Variants in AGMO observed in about 807,000 individuals in gnomAD.
The protein encoded by AGMO is glyceryl-ether monooxygenase.
A neutral mutation model predicts 60.2 loss-of-function variants in AGMO; 75 were observed. The ratio of observed to expected loss-of-function variants is 1.25; its 90% CI spans 1.03 to 1.51. The LOEUF (loss-of-function observed/expected upper bound fraction) is 1.51, where lower values mean the gene tolerates loss of function less well. AGMO is among the 40% of genes most tolerant of loss of function. The pLI is 0.00. For synonymous variants in AGMO, 261 were observed against 177.1 expected (o/e 1.47, Z -3.76); for missense variants, 763 against 525.5 (o/e 1.45, Z -4.42).
intron 4 of AGMO, among the ~76,000 whole-genome samples, chr7:15,419,930 C>T (rs1487238911): frequency 6.6e-6 from 1 of 152,030 alleles, no homozygotes; most frequent in East Asian, 1.9e-4. Flanking sequence ...TTTCATAATA[C>T]ATTAAAACAA....
rs1784358517 is a variant in AGMO, at chr7:15,531,550, A to ATATATATTCTCTATATATATTC, written c.409+13221_409+13222insGAATATATATAGAGAATATATA. On this transcript the variant is annotated intron_variant, in intron 3 of 12. Coordinates refer to ENST00000342526, the MANE Select transcript of AGMO (RefSeq NM_001004320.2). ...TATATATATTCTCTATATATATTCT[A>ATATATATTCTCTATATATATTC]TATATATATTCTCTATATATTCCAT... Among the ~76,000 whole-genome samples the ATATATATTCTCTATATATATTC allele has an allele frequency of 5.6e-5, 4 of 71,876 alleles. 1 individual carries two copies. The South Asian group carries it at 1.4e-3, about 25-fold the overall frequency. 47.2% of individuals were successfully genotyped at this position (71,876 alleles called of 152,430 possible).
At chr7:15,553,660 A>G (rs1785043186) in intron 2 of AGMO, among the ~76,000 whole-genome samples, 1 of 152,168 alleles carries the variant, frequency 6.6e-6, no homozygotes, top group Non-Finnish European at 1.5e-5. Context: ...TTAAGATACC[A>G]AGATCTCAAT....
intron 10 of AGMO, among the ~76,000 whole-genome samples, chr7:15,383,356 C>T (rs1783770228): frequency 6.6e-6 from 1 of 151,668 alleles, no homozygotes; most frequent in South Asian, 2.1e-4. Flanking sequence ...GCAATAGTCC[C>T]AAACTTTTCA....
At chr7:15,470,202 T>C (rs908773496) in intron 3 of AGMO, among the ~76,000 whole-genome samples, 2 of 151,994 alleles carry the variant, frequency 1.3e-5, no homozygotes, top group African/African-American at 4.8e-5. Flanking sequence ...AAATAATATC[T>C]GGAAATATGC....
the AGMO span, among the ~76,000 whole-genome samples, chr7:15,159,364 A>C: frequency 6.6e-6 from 1 of 152,306 alleles, no homozygotes; most frequent in African/African-American, 2.4e-5. Flanking sequence ...AAGTGGTAAA[A>C]GACAGTGCAG....
At chr7:15,261,142 C>T (rs1050196624) in intron 12 of AGMO, among the ~76,000 whole-genome samples, 1 of 151,648 alleles carries the variant, frequency 6.6e-6, no homozygotes, top group African/African-American at 2.4e-5. Flanking sequence ...CCAAGCCCAA[C>T]AGAAGAAAAG....
chr7:15,444,779 G>C (rs1052309234), intron 3 of AGMO, among the ~76,000 whole-genome samples: 14 of 152,098 alleles, frequency 9.2e-5, no homozygotes, highest in African/African-American at 3.4e-4. Context: ...AAAGTTGATG[G>C]CTCCCAAGTA....
chr7:15,403,050 A>G (rs1035374405), intron 5 of AGMO, among the ~76,000 whole-genome samples: 2 of 151,834 alleles, frequency 1.3e-5, no homozygotes, highest in African/African-American at 4.8e-5. Context: ...TTTTCCACAT[A>G]ATTTTGTTTT....
chr7:15,353,911 T>C (rs370484945), intron 12 of AGMO, among the ~76,000 whole-genome samples: 4 of 152,160 alleles, frequency 2.6e-5, no homozygotes, highest in South Asian at 4.1e-4. Flanking sequence ...AAAACTATCA[T>C]GTATTATTCT....
chr7:15,159,915 C>T, the AGMO span, among the ~76,000 whole-genome samples: 4 of 152,232 alleles, frequency 2.6e-5, no homozygotes, highest in East Asian at 1.9e-4. Context: ...TTCTCAGATC[C>T]GATGTATTTC....
intron 3 of AGMO, among the ~76,000 whole-genome samples, chr7:15,500,092 A>C (rs576746515): frequency 6.6e-6 from 1 of 151,920 alleles, no homozygotes; most frequent in Non-Finnish European, 1.5e-5. Context: ...ATTGTCTTAC[A>C]GTTTTGGTTT....
At chr7:15,351,807 ATAT>A (rs1487803829) in intron 12 of AGMO, among the ~76,000 whole-genome samples, 5 of 152,266 alleles carry the variant, frequency 3.3e-5, no homozygotes, top group African/African-American at 4.8e-5. Context: ...GTAAGCAAAC[ATAT>A]TATGCAAATT....
the AGMO span, among the ~76,000 whole-genome samples, chr7:15,159,556 G>T: frequency 1.3e-5 from 2 of 152,082 alleles, no homozygotes; most frequent in Non-Finnish European, 2.9e-5. Context: ...GCCTTTCCTA[G>T]GGAAAACAGG....
At chr7:15,385,367 T>TA (rs1783868868) in intron 10 of AGMO, 79 bp downstream of exon 10, 3 of 969,610 alleles carry the variant, frequency 3.1e-6, no homozygotes, top group Non-Finnish European at 4.8e-6. Context: ...ATGACAGCCT[T>TA]AATATGGGGA....
rs146144087 is a variant in AGMO, at chr7:15,499,932, C to CACACATATATATATATAT, written c.409+44839_409+44840insATATATATATATATGTGT. Among the ~76,000 whole-genome samples, 7 of 138,984 alleles carry CACACATATATATATATAT rather than the reference C, an allele frequency of 5.0e-5. No individual in the cohort carries two copies. In the Admixed American group the frequency reaches 5.2e-4, roughly 10 times the overall value. The allele number at this position is 138,984 out of a possible 152,430, so 91.2% of individuals were successfully genotyped here. A position where few individuals can be genotyped will look rare whatever the true frequency, so the allele number is the denominator to read the frequency against. The stretch of plus-strand genomic sequence containing the variant: ...GCACACACACACACACACACACACA[C>CACACATATATATATATAT]ATATATATATATAATATATATATTT... On this transcript the variant is annotated intron_variant, in intron 3 of 12. Transcript: ENST00000342526.
At chr7:15,329,811 T>C (rs1781447948) in intron 12 of AGMO, among the ~76,000 whole-genome samples, 1 of 152,142 alleles carries the variant, frequency 6.6e-6, no homozygotes, top group Non-Finnish European at 1.5e-5. Context: ...ATTCAGATGC[T>C]ATTTGCTGAA....
intron 10 of AGMO, among the ~76,000 whole-genome samples, chr7:15,371,936 A>T (rs1267519155): frequency 1.3e-5 from 2 of 152,072 alleles, no homozygotes; most frequent in Non-Finnish European, 2.9e-5. Context: ...TCTAAATATT[A>T]AATATTTAAA....
chr7:15,336,913 T>G (rs895221118), intron 12 of AGMO, among the ~76,000 whole-genome samples: 1 of 152,196 alleles, frequency 6.6e-6, no homozygotes. Context: ...TAAAACCATT[T>G]TGACACCTGG....
the AGMO span, among the ~76,000 whole-genome samples, chr7:15,140,727 T>C: frequency 0.014 from 2,090 of 152,302 alleles, 63 homozygotes; most frequent in African/African-American, 0.048. Flanking sequence ...TTAAAGTTTA[T>C]TTTGGTTCTT....
Sources: gnomAD v4.1 joint callset for allele counts (sites outside exome capture counted in the v4.1 genomes callset) on GRCh38, gnomAD v4.1.1 for gene constraint, MANE v1.5 for transcripts, NCBI Gene and HGNC (gene_info 2026-07-23, HGNC 2026-07-21) for gene names.